The following BMP2K variants were observed in gnomAD, a reference collection of about 807,000 sequenced individuals.
BMP2K encodes the protein BMP-2-inducible protein kinase.
Under a neutral mutation model 116.0 loss-of-function variants are expected in BMP2K, and 74 were observed. The ratio of observed to expected loss-of-function variants is 0.64; its 90% CI spans 0.53 to 0.77. The LOEUF is 0.77. Ranked by LOEUF, BMP2K falls within the 30% of genes least tolerant of loss-of-function variation. The pLI is 0.00. For missense variants in BMP2K, 1,365 were observed against 1,403.6 expected (o/e 0.97, Z 0.44); for synonymous variants, 486 against 502.5 (o/e 0.97, Z 0.44).
intron 1 of BMP2K, among the ~76,000 whole-genome samples, chr4:78,822,054 T>C (rs377708615): frequency 1.8e-4 from 27 of 152,320 alleles, no homozygotes; most frequent in African/African-American, 6.0e-4. Context: ...TTGGCATCTC[T>C]AGAGCAGTGG....
chr4:78,894,041 G>C (rs912574502), intron 15 of BMP2K, among the ~76,000 whole-genome samples: 8 of 152,216 alleles, frequency 5.3e-5, no homozygotes, highest in Admixed American at 4.6e-4. Flanking sequence ...CTGAGCAGTA[G>C]ATTTCAAGAG....
At chr4:78,838,849 G>T (rs1174829755) in intron 3 of BMP2K, among the ~76,000 whole-genome samples, 1 of 152,036 alleles carries the variant, frequency 6.6e-6, no homozygotes, top group Non-Finnish European at 1.5e-5. Context: ...TTCGTGGTTT[G>T]GTACTGCTTT....
intron 11 of BMP2K, 133 bp downstream of exon 11, chr4:78,871,193 A>G: frequency 6.9e-7 from 1 of 1,450,194 alleles, no homozygotes; most frequent in Non-Finnish European, 9.2e-7. Context: ...CAATTTTCTA[A>G]TTATGAAAGA....
chr4:78,871,064 A>T lies in BMP2K; in HGVS notation c.1509+4A>T. On this transcript the variant is annotated splice_donor_region_variant and intron_variant, in intron 11 of 15. Transcript: ENST00000502613. ...TCAAGATGCTTATATGCAGCAGGTA[A>T]TTTTTTTGTTTCTTTAGATATGGAA... 1 of 1,601,496 alleles carries T rather than the reference A, an allele frequency of 6.2e-7. No homozygotes were observed. The highest frequency in any genetic ancestry group is 8.5e-7 in the Non-Finnish European group (1 of 1,179,000).
chr4:78,812,074 A>G (rs1729121790), intron 1 of BMP2K, among the ~76,000 whole-genome samples: 1 of 152,128 alleles, frequency 6.6e-6, no homozygotes. Context: ...CCCAGGTTCA[A>G]GTGATTCTCT....
At chr4:78,836,432 G>T (rs1730484116) in intron 3 of BMP2K, among the ~76,000 whole-genome samples, 1 of 151,594 alleles carries the variant, frequency 6.6e-6, no homozygotes, top group Non-Finnish European at 1.5e-5. Context: ...AAAAAAAGAA[G>T]TAAAAATAAT....
At chr4:78,905,466 A>G (rs12644685) in intron 15 of BMP2K, among the ~76,000 whole-genome samples, 10,492 of 151,972 alleles carry the variant, frequency 0.069, 503 homozygotes, top group East Asian at 0.22. Flanking sequence ...TTCACAGTAT[A>G]CTAAAATAAT....
intron 1 of BMP2K, among the ~76,000 whole-genome samples, chr4:78,821,427 C>CT (rs1252261677): frequency 3.3e-5 from 5 of 152,170 alleles, no homozygotes; most frequent in Non-Finnish European, 2.9e-5. Flanking sequence ...GTATGTCTGG[C>CT]TGCCAGTGTT....
chr4:78,784,037 A>G (rs930780832), intron 1 of BMP2K, among the ~76,000 whole-genome samples: 9 of 152,192 alleles, frequency 5.9e-5, no homozygotes, highest in African/African-American at 1.9e-4. Context: ...AACTTGGAAA[A>G]GGTCCTTGAT....
chr4:78,912,247 G>A lies in BMP2K; in HGVS notation c.*214G>A. The A allele has an allele frequency of 2.0e-6, 1 of 499,908 alleles. No homozygotes were observed. Among genetic ancestry groups the A allele is most frequent in the Non-Finnish European group, 3.5e-6 (1 of 286,008 alleles). The allele number at this position is 499,908 out of a possible 1,614,324, so 31.0% of individuals were successfully genotyped here. On this transcript the variant is annotated 3_prime_UTR_variant, in exon 16 of 16. Transcript: ENST00000502613. Reference sequence around the variant, plus strand: ...AGGAGAAAAGGGAGCTAAATTGCAAGCTCTAACTAAGGGTTTCTGCTACTG... The same window carrying A: ...AGGAGAAAAGGGAGCTAAATTGCAAACTCTAACTAAGGGTTTCTGCTACTG...
At chr4:78,834,719 G>A (rs955010571) in intron 3 of BMP2K, among the ~76,000 whole-genome samples, 1 of 152,132 alleles carries the variant, frequency 6.6e-6, no homozygotes, top group Non-Finnish European at 1.5e-5. Context: ...AACTCTTACA[G>A]TTTCCTGAAG....
chr4:78,780,895 A>G (rs1035862461), intron 1 of BMP2K, among the ~76,000 whole-genome samples: 1 of 152,236 alleles, frequency 6.6e-6, no homozygotes, highest in African/African-American at 2.4e-5. Context: ...AATTCAGTTT[A>G]GACTGGGGGG....
At chr4:78,813,379 T>C (rs1449763451) in intron 1 of BMP2K, among the ~76,000 whole-genome samples, 3 of 152,218 alleles carry the variant, frequency 2.0e-5, no homozygotes, top group African/African-American at 7.2e-5. Flanking sequence ...CATATTAAAA[T>C]TTGAGTCCAG....
In BMP2K at chr4:78,776,737, GAGGCT is replaced by G. The variant is rs2109908255; in HGVS notation, c.178+17_178+21del. 2 of 1,263,044 alleles carry G rather than the reference GAGGCT, an allele frequency of 1.6e-6. No individual in the cohort carries two copies. Among genetic ancestry groups the G allele is most frequent in the Non-Finnish European group, 2.0e-6 (2 of 1,000,454 alleles). 78.2% of individuals were successfully genotyped at this position (1,263,044 alleles called of 1,614,324 possible). ...CTGGCCGAAGGTACGGGCGCCCGGG[GAGGCT>G]CGGACAGGCAGGTGAGGGAGGGTTG... On this transcript the variant is annotated intron_variant, in intron 1 of 15. Coordinates refer to ENST00000502613, the MANE Select transcript of BMP2K (RefSeq NM_198892.2).
At chr4:78,896,215 A>G (rs953818001) in intron 15 of BMP2K, among the ~76,000 whole-genome samples, 1 of 152,190 alleles carries the variant, frequency 6.6e-6, no homozygotes, top group Non-Finnish European at 1.5e-5. Flanking sequence ...GAGATGGAAT[A>G]TTGGGCTTGG....
intron 1 of BMP2K, among the ~76,000 whole-genome samples, chr4:78,809,771 C>G (rs1728998431): frequency 6.7e-6 from 1 of 149,098 alleles, no homozygotes; most frequent in South Asian, 2.1e-4. Context: ...TACTTTAGTT[C>G]TTTAGACATG....
chr4:78,853,921 T>A (rs924883659), intron 7 of BMP2K, among the ~76,000 whole-genome samples: 5 of 152,252 alleles, frequency 3.3e-5, no homozygotes, highest in Middle Eastern at 3.4e-3. Flanking sequence ...TAACTTAATT[T>A]CTGATTTTCT....
At chr4:78,883,133 G>C (rs1040094728) in intron 14 of BMP2K, among the ~76,000 whole-genome samples, 1 of 152,000 alleles carries the variant, frequency 6.6e-6, no homozygotes, top group Admixed American at 6.6e-5. Context: ...TTCTTGAAAA[G>C]ATACTGTCTT....
chr4:78,818,978 A>G (rs1249453375), intron 1 of BMP2K, among the ~76,000 whole-genome samples: 7 of 151,810 alleles, frequency 4.6e-5, no homozygotes, highest in Non-Finnish European at 7.4e-5. Context: ...TTGTATTTCT[A>G]TTAGAGACAA....
Sources: gnomAD v4.1 joint callset for allele counts (sites outside exome capture counted in the v4.1 genomes callset) on GRCh38, gnomAD v4.1.1 for gene constraint, MANE v1.5 for transcripts, NCBI Gene and HGNC (gene_info 2026-07-23, HGNC 2026-07-21) for gene names.